GNG7: variants seen among roughly 807,000 people sequenced by gnomAD.
GNG7 encodes the protein guanine nucleotide-binding protein G(I)/G(S)/G(O) subunit gamma-7.
In GNG7, 1 loss-of-function variant was observed where a neutral mutation model predicts 4.0. The observed-to-expected ratio is 0.25, with a 90% CI of 0.09 to 1.18. The LOEUF (loss-of-function observed/expected upper bound fraction) is 1.18, where lower values mean the gene tolerates loss of function less well. GNG7 is among the 50% of genes most tolerant of loss of function. The probability of loss-of-function intolerance (pLI) is 0.50; values close to 1 mark genes in which losing one functional copy is unlikely to be tolerated. For missense variants in GNG7, 86 were observed against 91.9 expected, an observed-to-expected ratio of 0.94 and a Z score of 0.26; for synonymous variants, 34 against 36.9, an observed-to-expected ratio of 0.92 and a Z score of 0.29.
At chr19:2,672,324 T>C (rs1463185547) in intron 1 of GNG7, among the ~76,000 whole-genome samples, 1 of 151,786 alleles carries the variant, frequency 6.6e-6, no homozygotes, top group East Asian at 1.9e-4. Flanking sequence ...CCTGGCCTAT[T>C]TTTAAATATT....
chr19:2,535,665 C>T (rs924303052), intron 3 of GNG7, among the ~76,000 whole-genome samples: 4 of 152,110 alleles, frequency 2.6e-5, no homozygotes, highest in Non-Finnish European at 5.9e-5. Flanking sequence ...CTTTATGATG[C>T]GGGCTTCAAA....
chr19:2,664,055 G>C (rs1983243161), intron 1 of GNG7, among the ~76,000 whole-genome samples: 1 of 152,210 alleles, frequency 6.6e-6, no homozygotes, highest in Admixed American at 6.5e-5. Flanking sequence ...CTCAAGGGCA[G>C]GACAGCCAGG....
rs1259657670 is a variant in GNG7 at position 2,514,547 on chromosome 19, TA to T, written c.*474del. 6.5e-6 allele frequency: 1 copy of T among 153,152 alleles called. No individual in the cohort carries two copies. The highest frequency in any genetic ancestry group is 1.5e-5 in the Non-Finnish European group (1 of 68,778). 9.5% of individuals were successfully genotyped at this position (153,152 alleles called of 1,614,324 possible). A position where few individuals can be genotyped will look rare whatever the true frequency, so the allele number is the denominator to read the frequency against. ...CCCCCATCTCAATTTTACCTCTACTTAAAAACAACACAAAGCATTCCAGTGA... is the reference window on the plus strand; with the variant it reads ...CCCCCATCTCAATTTTACCTCTACTTAAAACAACACAAAGCATTCCAGTGA... On this transcript the variant is annotated 3_prime_UTR_variant, in exon 5 of 5. Transcript: ENST00000382159.
At chr19:2,547,112 C>T (rs574648741) in intron 3 of GNG7, among the ~76,000 whole-genome samples, 1 of 151,102 alleles carries the variant, frequency 6.6e-6, no homozygotes, top group South Asian at 2.1e-4. Context: ...CCTGCAAAGC[C>T]CCACCGATGT....
chr19:2,524,651 C>T (rs891026379), intron 3 of GNG7, among the ~76,000 whole-genome samples: 2 of 152,224 alleles, frequency 1.3e-5, no homozygotes, highest in East Asian at 1.9e-4. Flanking sequence ...TACACATCTA[C>T]GTGTGTGCGT....
intron 2 of GNG7, among the ~76,000 whole-genome samples, chr19:2,564,621 G>A (rs1245579568): frequency 3.3e-5 from 5 of 152,080 alleles, no homozygotes; most frequent in Non-Finnish European, 1.5e-5. Flanking sequence ...AGATGCAGAG[G>A]AGAGGACATG....
intron 2 of GNG7, among the ~76,000 whole-genome samples, chr19:2,564,343 G>A (rs1979836802): frequency 6.6e-6 from 1 of 152,152 alleles, no homozygotes; most frequent in Non-Finnish European, 1.5e-5. Context: ...AACTTTGGGA[G>A]GCCGAGGCGG....
chr19:2,640,220 AAG>A (rs780095424), intron 2 of GNG7, among the ~76,000 whole-genome samples: 10 of 147,268 alleles, frequency 6.8e-5, no homozygotes, highest in East Asian at 6.3e-4. Context: ...AGGCGAGAGA[AAG>A]AGAGAGGGAG....
intron 3 of GNG7, among the ~76,000 whole-genome samples, chr19:2,539,407 C>A (rs552095610): frequency 7.9e-5 from 12 of 151,068 alleles, no homozygotes; most frequent in African/African-American, 2.7e-4. Flanking sequence ...CTGATTCAAG[C>A]GATTCTCCTG....
intron 3 of GNG7, among the ~76,000 whole-genome samples, chr19:2,537,614 G>A (rs1013831679): frequency 6.6e-6 from 1 of 152,206 alleles, no homozygotes; most frequent in African/African-American, 2.4e-5. Flanking sequence ...CACTGAGCAT[G>A]CTCAAAGTGT....
intron 3 of GNG7, among the ~76,000 whole-genome samples, chr19:2,525,263 C>G (rs916377491): frequency 6.6e-6 from 1 of 152,188 alleles, no homozygotes; most frequent in African/African-American, 2.4e-5. Context: ...CAAAGGTGCA[C>G]ACAGTCCCCA....
intron 1 of GNG7, among the ~76,000 whole-genome samples, chr19:2,655,391 A>G (rs1982939912): frequency 6.6e-6 from 1 of 152,126 alleles, no homozygotes; most frequent in African/African-American, 2.4e-5. Context: ...TAGAATGGCT[A>G]TGATCCAAAA....
intron 2 of GNG7, among the ~76,000 whole-genome samples, chr19:2,636,526 C>T (rs368133760): frequency 1.0e-3 from 158 of 152,298 alleles, no homozygotes; most frequent in African/African-American, 3.7e-3. Flanking sequence ...TGCTTTATGC[C>T]TTCCATTCTC....
At chr19:2,607,217 T>A (rs1436591615) in intron 2 of GNG7, among the ~76,000 whole-genome samples, 1 of 42,210 alleles carries the variant, frequency 2.4e-5, no homozygotes, top group Admixed American at 2.5e-4. Flanking sequence ...CAAGACCCTG[T>A]GTCAAAAAAA....
At chr19:2,540,255 GTTCTCCT>G (rs1568236557) in intron 3 of GNG7, among the ~76,000 whole-genome samples, 1 of 151,650 alleles carries the variant, frequency 6.6e-6, no homozygotes, top group Non-Finnish European at 1.5e-5. Context: ...GGCCTAAGCC[GTTCTCCT>G]GCCCCAGCCT....
At position 2,557,251 on chromosome 19, in the gene GNG7, A is replaced by C. The variant is rs779783029; in HGVS notation, c.-77-2063T>G. ...CACACACAGACGCACATGTGCACAC[A>C]CACGTGCACACACATTTGCACACAC... On this transcript the variant is annotated intron_variant, in intron 2 of 4. Transcript: ENST00000382159. The surrounding 1 kb of genome is among the most constrained non-coding windows in gnomAD (Gnocchi z 5.1). Among the ~76,000 whole-genome samples, 1 of 151,128 alleles carries C rather than the reference A, an allele frequency of 6.6e-6. No homozygotes were observed. The highest frequency in any genetic ancestry group is 1.5e-5 in the Non-Finnish European group (1 of 67,936).
At chr19:2,544,671 A>G (rs1979067443) in intron 3 of GNG7, among the ~76,000 whole-genome samples, 2 of 152,188 alleles carry the variant, frequency 1.3e-5, no homozygotes, top group Non-Finnish European at 2.9e-5. Flanking sequence ...GATTTTAGGC[A>G]TGAGCCACCG....
intron 3 of GNG7, among the ~76,000 whole-genome samples, chr19:2,530,337 C>T (rs901207286): frequency 5.3e-5 from 8 of 151,726 alleles, no homozygotes; most frequent in Non-Finnish European, 8.8e-5. Flanking sequence ...CACTTAAACC[C>T]GGGAGGCAGT....
rs1568242534 is a variant in GNG7, at chr19:2,557,325, G to A, written c.-77-2137C>T. Among the ~76,000 whole-genome samples, 1 of 149,688 alleles carries A rather than the reference G, an allele frequency of 6.7e-6. No individual in the cohort carries two copies. Among genetic ancestry groups the A allele is most frequent in the East Asian group, 2.0e-4 (1 of 4,998 alleles). ...CACATACACGCACAGACACACATGT[G>A]CACACAGACACACACATGTGCACAC... On this transcript the variant is annotated intron_variant, in intron 2 of 4. Transcript: ENST00000382159. This position sits in a 1 kb window ranked among gnomAD's most constrained non-coding sequence, Gnocchi z 5.1.
Sources: allele counts gnomAD v4.1 joint callset (sites outside exome capture counted in the v4.1 genomes callset), GRCh38; gene constraint gnomAD v4.1.1; non-coding constraint Gnocchi (gnomAD v3.1); transcripts MANE v1.5; gene names NCBI Gene and HGNC (gene_info 2026-07-23, HGNC 2026-07-21).